Variants in CLOCK observed in about 807,000 individuals in gnomAD.
CLOCK encodes circadian locomoter output cycles protein kaput.
Under a neutral mutation model 118.4 loss-of-function variants are expected in CLOCK, and 43 were observed. The observed-to-expected ratio is 0.36, with a 90% CI of 0.28 to 0.47. The LOEUF is 0.47. CLOCK is among the 20% of genes least tolerant of loss of function. CLOCK has a pLI of 1.00. For missense variants in CLOCK, 846 were observed against 999.9 expected, an observed-to-expected ratio of 0.85 and a Z score of 2.08; for synonymous variants, 326 against 339.2, an observed-to-expected ratio of 0.96 and a Z score of 0.43.
At chr4:55,492,262 C>CTACACCA (rs1727751653) in intron 2 of CLOCK, among the ~76,000 whole-genome samples, 1 of 151,664 alleles carries the variant, frequency 6.6e-6, no homozygotes, top group South Asian at 2.1e-4. Context: ...AATCCATGTG[C>CTACACCA]TACACCACAT....
At chr4:55,465,451 C>A (rs1394868420) in intron 8 of CLOCK, among the ~76,000 whole-genome samples, 1 of 152,184 alleles carries the variant, frequency 6.6e-6, no homozygotes. Flanking sequence ...AGGGGCCTAT[C>A]TCTTACACCT....
chr4:55,531,864 C>T (rs1243694926), intron 1 of CLOCK, among the ~76,000 whole-genome samples: 4 of 149,654 alleles, frequency 2.7e-5, no homozygotes, highest in African/African-American at 7.3e-5. Flanking sequence ...AAGAAAACCA[C>T]GGTAATAACC....
At chr4:55,510,599 C>A (rs1009068883) in intron 1 of CLOCK, among the ~76,000 whole-genome samples, 1 of 143,688 alleles carries the variant, frequency 7.0e-6, no homozygotes, top group African/African-American at 2.6e-5. Context: ...TGCACTCCAG[C>A]CTGGGCGACA....
chr4:55,435,982 A>T (rs1391609522), intron 22 of CLOCK, among the ~76,000 whole-genome samples: 1 of 152,254 alleles, frequency 6.6e-6, no homozygotes. Flanking sequence ...TGCCTTCTGC[A>T]CACAGGTTCG....
At chr4:55,520,315 G>A (rs973480747) in intron 1 of CLOCK, among the ~76,000 whole-genome samples, 11 of 152,130 alleles carry the variant, frequency 7.2e-5, no homozygotes, top group Non-Finnish European at 1.5e-4. Flanking sequence ...TGACTTCTAT[G>A]AGCCTCACTC....
At chr4:55,544,116 C>CCA (rs10630088) in intron 1 of CLOCK, among the ~76,000 whole-genome samples, 114,128 of 151,404 alleles carry the variant, frequency 0.75, 43,335 homozygotes, top group East Asian at 0.9. Context: ...TTTCAACAAT[C>CCA]CAGTCCTAAA....
In CLOCK at chr4:55,478,899, C is replaced by T. The variant is rs1344919138; in HGVS notation, c.172G>A (p.Gly58Arg). The T allele has an allele frequency of 6.2e-7, 1 of 1,610,154 alleles. No homozygotes were observed. The highest frequency in any genetic ancestry group is 1.3e-5 in the African/African-American group (1 of 74,818). ...CTAGCATTACCAGGAAGCATGGATCCCAGTTCTTTAATGAGAACATTAAAT... is the reference window on the plus strand; with the variant it reads ...CTAGCATTACCAGGAAGCATGGATCTCAGTTCTTTAATGAGAACATTAAAT... ...DQFNVLIKELGSMLPGNARKM... is the reference protein window; with the variant it reads ...DQFNVLIKELRSMLPGNARKM... Residue 58 changes from glycine (G) to arginine (R), a missense_variant, in exon 6 of 23, where the codon GGA becomes AGA. This residue lies in a region of CLOCK where 246 missense variants were observed against 300.2 expected (regional missense o/e 0.82). Transcript: ENST00000513440.
chr4:55,463,732 G>T lies in CLOCK; in HGVS notation c.512C>A (p.Ser171Tyr). 2 of 1,612,684 alleles carry T rather than the reference G, an allele frequency of 1.2e-6. No individual in the cohort carries two copies. Among genetic ancestry groups the T allele is most frequent in the Non-Finnish European group, 1.7e-6 (2 of 1,179,024 alleles). ...TGAATCACTTTCCAGCAGATGAGTA[G>T]AGAGTATTTTATAAACCTCTGAATG... The part of the protein sequence containing the change: ...GEHSEVYKIL[S>Y]THLLESDSLT... Residue 171 changes from serine to tyrosine, a missense_variant, in exon 9 of 23, where the codon TCT (serine) becomes TAT (tyrosine). Around this residue, in one of 4 missense-constraint regions of CLOCK, gnomAD observed 246 missense variants for 300.2 expected, o/e 0.82. Transcript: ENST00000513440.
At position 55,479,014 on chromosome 4, in the gene CLOCK, A is replaced by G. The variant is rs754218706; in HGVS notation, c.108-51T>C. ...TTTAAACAATCCATTTAATTACACA[A>G]GTAGTTTAATACAATGTTAATTTAG... On this transcript the variant is annotated intron_variant, in intron 5 of 22. Transcript: ENST00000513440. 4.9e-6 allele frequency: 7 copies of G among 1,419,520 alleles called. No individual in the cohort carries two copies. In the African/African-American group the frequency reaches 9.9e-5, roughly 20 times the overall value. The allele number at this position is 1,419,520 out of a possible 1,614,324, so 87.9% of individuals were successfully genotyped here.
chr4:55,546,021 GA>G (rs1489787285), intron 1 of CLOCK: 1 of 152,284 alleles, frequency 6.6e-6, no homozygotes, highest in Admixed American at 6.5e-5. Flanking sequence ...CGGCCGTTCG[GA>G]CTGCGGACTG....
At chr4:55,495,217 C>T (rs1727979654) in intron 2 of CLOCK, among the ~76,000 whole-genome samples, 2 of 152,164 alleles carry the variant, frequency 1.3e-5, no homozygotes, top group South Asian at 4.1e-4. Context: ...TTTTCTCTTC[C>T]TCCCCCAATT....
At chr4:55,503,792 T>C (rs2109998949) in intron 2 of CLOCK, among the ~76,000 whole-genome samples, 1 of 152,104 alleles carries the variant, frequency 6.6e-6, no homozygotes, top group South Asian at 2.1e-4. Flanking sequence ...TGTCTTGGTA[T>C]GTGGATCCTT....
chr4:55,515,115 T>C (rs985221874), intron 1 of CLOCK, among the ~76,000 whole-genome samples: 1 of 152,202 alleles, frequency 6.6e-6, no homozygotes, highest in Admixed American at 6.6e-5. Flanking sequence ...TTTGGCAGAT[T>C]GCGTCCTTCA....
In CLOCK at chr4:55,538,087, G is replaced by A. The variant is rs552429515; in HGVS notation, c.-290+8695C>T. Among the ~76,000 whole-genome samples the A allele has an allele frequency of 2.9e-4, 44 of 152,140 alleles. 1 individual carries two copies. The South Asian group carries it at 8.5e-3, about 29-fold the overall frequency. On this transcript the variant is annotated intron_variant, in intron 1 of 22. Transcript: ENST00000513440. ...GAGCAGAGACAAATTACTAGTATTC[G>A]GAATGATACTAAATCTCTACAGGTT...
rs140714538 is a variant in CLOCK, at chr4:55,497,575, T to C, written c.-135-8110A>G. On this transcript the variant is annotated intron_variant, in intron 2 of 22. Coordinates refer to ENST00000513440, the MANE Select transcript of CLOCK (RefSeq NM_004898.4). ...ATCAAAGGATAATTTGATCTATTAATAGATAAAAGACTACAGTACTATGCC... is the reference window on the plus strand; with the variant it reads ...ATCAAAGGATAATTTGATCTATTAACAGATAAAAGACTACAGTACTATGCC... 2.6e-3 allele frequency among the ~76,000 whole-genome samples: 402 copies of C among 152,318 alleles called. 1 individual carries two copies. The highest frequency in any genetic ancestry group is 9.3e-3 in the African/African-American group (387 of 41,572).
intron 1 of CLOCK, among the ~76,000 whole-genome samples, chr4:55,542,090 C>A (rs968900311): frequency 1.3e-5 from 2 of 151,824 alleles, no homozygotes; most frequent in African/African-American, 4.8e-5. Context: ...CCTGTAATCC[C>A]AGCACTTTGG....
Position 55,435,308 on chromosome 4 carries a change from C to A in CLOCK, c.*107G>T. The A allele has an allele frequency of 7.8e-7, 1 of 1,287,962 alleles. No homozygotes were observed. The highest frequency in any genetic ancestry group is 1.2e-5 in the South Asian group (1 of 81,676). The allele number at this position is 1,287,962 out of a possible 1,614,324, so 79.8% of individuals were successfully genotyped here. On this transcript the variant is annotated 3_prime_UTR_variant, in exon 23 of 23. Coordinates refer to ENST00000513440, the MANE Select transcript of CLOCK (RefSeq NM_004898.4). ...CCAGGAACTAGAACACTCAATACTG[C>A]ATCTCATGAAACTGCTGGAACTTTC...
At chr4:55,517,648 T>A (rs1304733946) in intron 1 of CLOCK, among the ~76,000 whole-genome samples, 1 of 152,228 alleles carries the variant, frequency 6.6e-6, no homozygotes, top group Non-Finnish European at 1.5e-5. Context: ...AGTATCAGGA[T>A]AATACTTGAA....
chr4:55,465,506 G>A (rs1725675679), intron 8 of CLOCK, among the ~76,000 whole-genome samples: 1 of 152,174 alleles, frequency 6.6e-6, no homozygotes. Flanking sequence ...ACCGTGCCTT[G>A]TGTTTAACAG....
Sources: allele counts gnomAD v4.1 joint callset (sites outside exome capture counted in the v4.1 genomes callset), GRCh38; gene constraint gnomAD v4.1.1; regional missense constraint gnomAD v4.1.1; transcripts MANE v1.5; gene names NCBI Gene and HGNC (gene_info 2026-07-23, HGNC 2026-07-21).